The following MYH7 variants were observed in gnomAD, a reference collection of about 807,000 sequenced individuals.
MYH7 encodes the protein myosin heavy chain 7.
Under a neutral mutation model 225.4 loss-of-function variants are expected in MYH7, and 129 were observed. The observed-to-expected ratio is 0.57, with a 90% confidence interval of 0.50 to 0.66. MYH7 has a LOEUF of 0.66. Ranked by LOEUF, MYH7 falls within the 30% of genes least tolerant of loss-of-function variation. MYH7 has a pLI of 0.00. For missense variants in MYH7, 1,649 were observed against 2,517.0 expected, an observed-to-expected ratio of 0.66 and a Z score of 7.38; for synonymous variants, 971 against 1,007.6, an observed-to-expected ratio of 0.96 and a Z score of 0.69.
At chr14:23,429,382 G>A (rs371390252) in intron 12 of MYH7, 35 bp from the exon 13 acceptor site, 3 of 1,584,568 alleles carry the variant, frequency 1.9e-6, no homozygotes, top group African/African-American at 2.7e-5. Context: ...AGTTGGTAAA[G>A]AGATGACTGC....
rs41285540 is a variant in MYH7, at chr14:23,414,195, C to G, written c.5560-93G>C. The G allele has an allele frequency of 0.075, 79,675 of 1,057,354 alleles. 3,275 individuals are homozygous for G. The highest frequency in any genetic ancestry group is 0.1 in the South Asian group (8,113 of 77,538). 65.5% of individuals were successfully genotyped at this position (1,057,354 alleles called of 1,614,324 possible). Reference sequence around the variant, plus strand: ...TGCCCTGCTTCATCTGATATCCTGACCCAATTCTACTTTCTGATCCTCACT... The same window carrying G: ...TGCCCTGCTTCATCTGATATCCTGAGCCAATTCTACTTTCTGATCCTCACT... On this transcript the variant is annotated intron_variant, in intron 37 of 39. Transcript: ENST00000355349.
Position 23,424,096 on chromosome 14 carries a change from G to A in MYH7, c.2733C>T (p.Asn911=), listed in dbSNP as rs1892596079. The A allele has an allele frequency of 1.9e-6, 3 of 1,614,074 alleles. No individual in the cohort carries two copies. The highest frequency in any genetic ancestry group is 2.5e-6 in the Non-Finnish European group (3 of 1,180,042). ...TCACCTTGGCCTCCAGCTGAATCTTGTTTTTGATCAGCTGATCACAGCGCT... is the reference window on the plus strand; with the variant it reads ...TCACCTTGGCCTCCAGCTGAATCTTATTTTTGATCAGCTGATCACAGCGCT... ...AEERCDQLIK[N]KIQLEAKVKE... The change falls in exon 23 of 40, where the codon AAC becomes AAT. Residue 911 remains asparagine (N), a synonymous_variant. Coordinates refer to ENST00000355349, the MANE Select transcript of MYH7 (RefSeq NM_000257.4).
chr14:23,420,265 G>A (rs1167677534), intron 26 of MYH7, 31 bp from the exon 27 acceptor site: 1 of 1,604,064 alleles, frequency 6.2e-7, no homozygotes, highest in African/African-American at 1.3e-5. Flanking sequence ...CAGACCCACC[G>A]CCTGGACCCC....
At chr14:23,414,937 C>G in intron 37 of MYH7, 58 bp downstream of exon 37, 1 of 1,600,638 alleles carries the variant, frequency 6.2e-7, no homozygotes, top group Non-Finnish European at 8.5e-7. Context: ...TTCTCCTCAG[C>G]TGGTTGTCAC....
chr14:23,420,244 C>T lies in MYH7; in HGVS notation c.3337-10G>A, dbSNP rs397516181. ...GCTCCTCGATGCGTGCCTGGTCAGA[C>T]ACAAAGGGCTCAGACCCACCGCCTG... On this transcript the variant is annotated splice_polypyrimidine_tract_variant and intron_variant, in intron 26 of 39. Transcript: ENST00000355349. The T allele has an allele frequency of 3.7e-6, 6 of 1,610,558 alleles. No homozygotes were observed. Among genetic ancestry groups the T allele is most frequent in the Middle Eastern group, 1.7e-4 (1 of 5,986 alleles).
chr14:23,426,941 A>T, intron 17 of MYH7, 77 bp from the exon 18 acceptor site: 5 of 1,327,070 alleles, frequency 3.8e-6, no homozygotes, highest in Non-Finnish European at 3.2e-6. Context: ...GAGAAGAAGG[A>T]AGGAAAAGAG....
intron 25 of MYH7, among the ~76,000 whole-genome samples, chr14:23,421,433 C>T (rs1372485346): frequency 6.6e-6 from 1 of 152,214 alleles, no homozygotes; most frequent in African/African-American, 2.4e-5. Context: ...TTATTTTCCT[C>T]TTTGGTAAAG....
At chr14:23,434,161 G>A in intron 2 of MYH7, 33 bp downstream of exon 2, 2 of 1,069,078 alleles carry the variant, frequency 1.9e-6, no homozygotes, top group East Asian at 7.5e-5. Context: ...AGTCTTACTA[G>A]ATTTTCAACA....
In MYH7 at chr14:23,427,320, G is replaced by T. The variant is rs779081177; in HGVS notation, c.1889-13C>A. The T allele has an allele frequency of 6.2e-7, 1 of 1,613,898 alleles. No individual in the cohort carries two copies. The highest frequency in any genetic ancestry group is 1.7e-5 in the Admixed American group (1 of 60,002). On this transcript the variant is annotated splice_polypyrimidine_tract_variant and intron_variant, in intron 16 of 39. Transcript: ENST00000355349. ...CCCTTCTCAATAGCTGCAGGAAGGA[G>T]AGTCAACAAAAGAAGCATCAGTGTG...
In MYH7 at chr14:23,425,017, G is replaced by C; in HGVS notation, c.2431C>G (p.Leu811Val). 6.2e-7 allele frequency: 1 copy of C among 1,614,184 alleles called. No homozygotes were observed. Among genetic ancestry groups the C allele is most frequent in the South Asian group, 1.1e-5 (1 of 91,072 alleles). ...CGAATGTTCCACTGGATTACCAGCA[G>C]GGAGTCTCTGCAGGGGCCCATTGAA... Reference protein sequence around the residue: ...YKKLLERRDSLLVIQWNIRAF... With the variant: ...YKKLLERRDSVLVIQWNIRAF... The change falls in exon 22 of 40, where the codon CTG becomes GTG. Residue 811 changes from leucine (L) to valine (V), a missense_variant. Transcript: ENST00000355349. The surrounding 1 kb of genome is among the most constrained non-coding windows in gnomAD (Gnocchi z 4.6).
intron 30 of MYH7, chr14:23,417,934 G>A (rs1387001086): frequency 2.3e-6 from 2 of 866,940 alleles, no homozygotes; most frequent in East Asian, 2.4e-5. Context: ...GGCTTCTGCA[G>A]CCCTCCCCAC....
At position 23,415,894 on chromosome 14, in the gene MYH7, C is replaced by G. The variant is rs1892182240; in HGVS notation, c.4954-62G>C. On this transcript the variant is annotated intron_variant, in intron 34 of 39. Coordinates refer to ENST00000355349, the MANE Select transcript of MYH7 (RefSeq NM_000257.4). This position sits in a 1 kb window ranked among gnomAD's most constrained non-coding sequence, Gnocchi z 6.3. ...GCCTCGGTTCCCTTCACTAAAGGCA[C>G]CTGTCAGAGGTCCCTGCAGTAACCT... The G allele has an allele frequency of 6.2e-7, 1 of 1,613,378 alleles. No individual in the cohort carries two copies. The highest frequency in any genetic ancestry group is 1.3e-5 in the African/African-American group (1 of 74,926).
In MYH7 at chr14:23,426,738, T is replaced by A. The variant is rs3729817; in HGVS notation, c.2044+39A>T. On this transcript the variant is annotated intron_variant, in intron 18 of 39. Coordinates refer to ENST00000355349, the MANE Select transcript of MYH7 (RefSeq NM_000257.4). ...AGGAGGTCCTGTTCCCAGGGCGGTG[T>A]ATGCCCAGCAGTGGGTTGGCCTGAG... 2.5e-3 allele frequency: 4,015 copies of A among 1,576,048 alleles called. 88 individuals are homozygous for A. In the African/African-American group the frequency reaches 0.046, roughly 18 times the overall value.
intron 33 of MYH7, among the ~76,000 whole-genome samples, chr14:23,416,614 G>A (rs1892223368): frequency 6.6e-6 from 1 of 152,170 alleles, no homozygotes; most frequent in South Asian, 2.1e-4. Context: ...GGAGGCAGAG[G>A]TGGGAACCGG....
In MYH7 at chr14:23,415,587, CA is replaced by C; in HGVS notation, c.5157+41del. On this transcript the variant is annotated intron_variant, in intron 35 of 39. Transcript: ENST00000355349. The surrounding 1 kb of genome is among the most constrained non-coding windows in gnomAD (Gnocchi z 6.3). ...CTCTCAAGCCTTGCTTGCTGAGCCC[CA>C]GCCTGTGCTCCCTTCAGGAATGAGC... 1 of 1,613,736 alleles carries C rather than the reference CA, an allele frequency of 6.2e-7. No individual in the cohort carries two copies. The highest frequency in any genetic ancestry group is 8.5e-7 in the Non-Finnish European group (1 of 1,180,006).
chr14:23,423,606 C>T lies in MYH7; in HGVS notation c.3040G>A (p.Glu1014Lys), dbSNP rs777675103. ...TTAGTCAGGGTGTTGACCTTGTCCTCCTCGGCCTGAAGGTCATCCAGAGCC... is the reference window on the plus strand; with the variant it reads ...TTAGTCAGGGTGTTGACCTTGTCCTTCTCGGCCTGAAGGTCATCCAGAGCC... The part of the protein sequence containing the change: ...QQALDDLQAE[E>K]DKVNTLTKAK... Residue 1014 changes from glutamate (E) to lysine (K), a missense_variant, in exon 24 of 40, where the codon GAG becomes AAG. Physicochemically the swap from Glu to Lys is moderately conservative, Grantham distance 56 (BLOSUM62 1). Around this residue, in one of 12 missense-constraint regions of MYH7, gnomAD observed 282 missense variants for 315.3 expected, o/e 0.89. Transcript: ENST00000355349. The T allele has an allele frequency of 6.2e-7, 1 of 1,614,100 alleles. No homozygotes were observed. Among genetic ancestry groups the T allele is most frequent in the South Asian group, 1.1e-5 (1 of 91,078 alleles).
Position 23,428,602 on chromosome 14 carries a change from G to A in MYH7, c.1476C>T (p.His492=). ...NEKLQQFFNH[H]MFVLEQEEYK... ...ACTCCTCCTGCTCCAGCACAAACAT[G>A]TGGTGGTTGAAGAACTGCTGCAGCT... Residue 492 remains histidine, a synonymous_variant, in exon 15 of 40, where the codon CAC becomes CAT. Transcript: ENST00000355349. The A allele has an allele frequency of 1.9e-6, 3 of 1,614,190 alleles. No individual in the cohort carries two copies. Among genetic ancestry groups the A allele is most frequent in the East Asian group, 2.2e-5 (1 of 44,882 alleles).
chr14:23,416,873 C>A lies in MYH7; in HGVS notation c.4639G>T (p.Ala1547Ser). ...TGCCCTGCACACACACACACCTCGG[C>A]CTCCTCCAGGGCTGACTGCAGCTCC... ...KMELQSALEE[A>S]EASLEHEEGK... The change falls in exon 33 of 40, where the codon GCC (alanine) becomes TCC (serine). Residue 1547 changes from alanine to serine, a missense_variant. Ala to Ser is a moderately conservative substitution (Grantham distance 99, BLOSUM62 1). Transcript: ENST00000355349. The A allele has an allele frequency of 6.2e-7, 1 of 1,614,204 alleles. No homozygotes were observed. The highest frequency in any genetic ancestry group is 8.5e-7 in the Non-Finnish European group (1 of 1,180,030).
intron 6 of MYH7, among the ~76,000 whole-genome samples, chr14:23,432,138 TTTGGGAAAAG>T (rs1482546957): frequency 6.6e-6 from 1 of 152,082 alleles, no homozygotes; most frequent in Admixed American, 6.5e-5. Context: ...CCTGGGCTGT[TTTGGGAAAAG>T]TTGGTAGGGC....
Sources: gnomAD v4.1 joint callset for allele counts (sites outside exome capture counted in the v4.1 genomes callset) on GRCh38, gnomAD v4.1.1 for gene constraint, gnomAD v4.1.1 regional missense constraint, Gnocchi (gnomAD v3.1) non-coding constraint, MANE v1.5 for transcripts, NCBI Gene and HGNC (gene_info 2026-07-23, HGNC 2026-07-21) for gene names.